The following THNSL1 variants were observed in gnomAD, a reference collection of about 807,000 sequenced individuals.
THNSL1 encodes threonine synthase like 1, also known as threonine synthase-like 1.
A neutral mutation model predicts 50.4 loss-of-function variants in THNSL1; 48 were observed. The ratio of observed to expected loss-of-function variants is 0.95; its 90% CI spans 0.76 to 1.21. The LOEUF is 1.21. Ranked by LOEUF, THNSL1 falls within the 50% of genes most tolerant of loss-of-function variation. The pLI, the probability that THNSL1 is intolerant of heterozygous loss-of-function variation, is 0.00. For synonymous variants in THNSL1, 309 were observed against 306.1 expected, an observed-to-expected ratio of 1.01 and a Z score of -0.10; for missense variants, 896 against 871.7, an observed-to-expected ratio of 1.03 and a Z score of -0.35.
At chr10:24,975,342 T>G in the THNSL1 span, among the ~76,000 whole-genome samples, 1 of 152,208 alleles carries the variant, frequency 6.6e-6, no homozygotes, top group Non-Finnish European at 1.5e-5. Flanking sequence ...TTTGTTTTGC[T>G]TGCTTGAAAG....
the THNSL1 span, among the ~76,000 whole-genome samples, chr10:24,987,507 G>A: frequency 6.6e-6 from 1 of 152,114 alleles, no homozygotes; most frequent in Non-Finnish European, 1.5e-5. Flanking sequence ...AAATCAGCCA[G>A]GCATGGTGGT....
Position 25,024,102 on chromosome 10 carries a change from G to A in THNSL1, c.879G>A (p.Gln293=). The stretch of plus-strand genomic sequence containing the variant: ...GAGCAACCTACGTAGAAAGAGCACA[G>A]ATACTGTTGGAAAGATGTATCCATC... ...LVGATYVERA[Q]ILLERCIHPA... The change falls in exon 3 of 3, where the codon CAG becomes CAA. Residue 293 remains glutamine, a synonymous_variant. Coordinates refer to ENST00000376356, the MANE Select transcript of THNSL1 (RefSeq NM_024838.5). 6.2e-7 allele frequency: 1 copy of A among 1,614,210 alleles called. No homozygotes were observed.
chr10:24,972,016 C>A, the THNSL1 span, among the ~76,000 whole-genome samples: 4 of 151,374 alleles, frequency 2.6e-5, no homozygotes, highest in African/African-American at 9.7e-5. Context: ...CATGGTGAAA[C>A]CCTGTCTCTA....
chr10:24,990,679 T>C, the THNSL1 span: 3 of 1,407,298 alleles, frequency 2.1e-6, no homozygotes, highest in East Asian at 4.6e-5. Flanking sequence ...ACGTATCAAC[T>C]GATGATGGAA....
At chr10:25,005,622 A>T in the THNSL1 span, among the ~76,000 whole-genome samples, 1 of 152,164 alleles carries the variant, frequency 6.6e-6, no homozygotes, top group Non-Finnish European at 1.5e-5. Flanking sequence ...TCTTGAGGAG[A>T]ATTTTTACAC....
At chr10:24,964,940 G>T in the THNSL1 span, among the ~76,000 whole-genome samples, 1 of 152,090 alleles carries the variant, frequency 6.6e-6, no homozygotes, top group Non-Finnish European at 1.5e-5. Flanking sequence ...GTGCACACCT[G>T]CAGTTCCAGT....
rs1349707433 is a variant in THNSL1, at chr10:25,024,670, C to G, written c.1447C>G (p.His483Asp). The G allele has an allele frequency of 1.2e-6, 2 of 1,614,226 alleles. No individual in the cohort carries two copies. The highest frequency in any genetic ancestry group is 4.5e-5 in the East Asian group (2 of 44,886). ...CCGACTACTTCCGCAGGTAGTTTAT[C>G]ATGCTTCCGCATATCTTGATCTTGT... ...WGRLLPQVVYHASAYLDLVSQ... is the reference protein window; with the variant it reads ...WGRLLPQVVYDASAYLDLVSQ... The change falls in exon 3 of 3, where the codon CAT becomes GAT. Residue 483 changes from histidine to aspartate, a missense_variant. His to Asp is a moderately conservative substitution (Grantham distance 81). Coordinates refer to ENST00000376356, the MANE Select transcript of THNSL1 (RefSeq NM_024838.5).
chr10:25,018,985 T>G (rs950297750), intron 1 of THNSL1, among the ~76,000 whole-genome samples: 1 of 152,162 alleles, frequency 6.6e-6, no homozygotes, highest in Non-Finnish European at 1.5e-5. Flanking sequence ...GATTGTGTGG[T>G]CCTTCCACCC....
the THNSL1 span, among the ~76,000 whole-genome samples, chr10:24,973,088 A>T: frequency 6.6e-6 from 1 of 152,220 alleles, no homozygotes; most frequent in Non-Finnish European, 1.5e-5. Context: ...CTTAGCATAG[A>T]TCTTAGCAAC....
At chr10:25,021,284 G>A (rs560905368) in intron 1 of THNSL1, among the ~76,000 whole-genome samples, 1 of 152,178 alleles carries the variant, frequency 6.6e-6, no homozygotes, top group Admixed American at 6.5e-5. Flanking sequence ...GTATCTTTTT[G>A]TGGCAAGAGT....
rs759106926 is a variant in THNSL1 at position 25,023,580 on chromosome 10, GTTAAACTTC to G, written c.359_367del (p.Leu120_Phe122del). ...TTTTAGAAGAGGAAGGAAAAGCTGTGTTAAACTTCTCTGCATCTGGAAGTGTGATTTCCC... is the reference window on the plus strand; with the variant it reads ...TTTTAGAAGAGGAAGGAAAAGCTGTGTCTGCATCTGGAAGTGTGATTTCCC... On this transcript the variant is annotated inframe_deletion, in exon 3 of 3. Coordinates refer to ENST00000376356, the MANE Select transcript of THNSL1 (RefSeq NM_024838.5). The G allele has an allele frequency of 6.2e-7, 1 of 1,614,138 alleles. No homozygotes were observed. Among genetic ancestry groups the G allele is most frequent in the South Asian group, 1.1e-5 (1 of 91,074 alleles).
chr10:24,969,880 C>A, the THNSL1 span, among the ~76,000 whole-genome samples: 1 of 152,194 alleles, frequency 6.6e-6, no homozygotes, highest in Non-Finnish European at 1.5e-5. Flanking sequence ...TGCATAGCAA[C>A]ATCCCAAACA....
the THNSL1 span, among the ~76,000 whole-genome samples, chr10:24,967,645 C>T: frequency 8.6e-5 from 13 of 151,612 alleles, no homozygotes; most frequent in Middle Eastern, 3.4e-3. Context: ...CTCCTATGTG[C>T]GTGTGTGTGT....
At chr10:24,964,903 A>T in the THNSL1 span, among the ~76,000 whole-genome samples, 1 of 152,086 alleles carries the variant, frequency 6.6e-6, no homozygotes, top group African/African-American at 2.4e-5. Flanking sequence ...TCTCTACTAA[A>T]AATCAATATC....
At chr10:25,022,034 A>G (rs1850728764) in intron 2 of THNSL1, 126 bp downstream of exon 2, 1 of 152,192 alleles carries the variant, frequency 6.6e-6, no homozygotes, top group Admixed American at 6.5e-5. Context: ...CATATGATCT[A>G]GTATTTAATA....
At chr10:24,967,571 A>T in the THNSL1 span, among the ~76,000 whole-genome samples, 1 of 152,070 alleles carries the variant, frequency 6.6e-6, no homozygotes, top group African/African-American at 2.4e-5. Context: ...GAGACTTTTC[A>T]TCAGTCTCGC....
chr10:24,988,411 T>C, the THNSL1 span, among the ~76,000 whole-genome samples: 1 of 146,042 alleles, frequency 6.8e-6, no homozygotes, highest in African/African-American at 2.5e-5. Context: ...TGTGTATATA[T>C]ATTTATATAT....
At chr10:25,022,468 A>G (rs1850741104) in intron 2 of THNSL1, among the ~76,000 whole-genome samples, 1 of 152,224 alleles carries the variant, frequency 6.6e-6, no homozygotes, top group African/African-American at 2.4e-5. Context: ...TTTGTATAAT[A>G]TACCTTTCAC....
the THNSL1 span, among the ~76,000 whole-genome samples, chr10:24,968,852 C>T: frequency 1.3e-5 from 2 of 152,216 alleles, no homozygotes; most frequent in Non-Finnish European, 2.9e-5. Context: ...TGATCACTCA[C>T]TCCGCCTCTA....
Sources: allele counts gnomAD v4.1 joint callset (sites outside exome capture counted in the v4.1 genomes callset), GRCh38; gene constraint gnomAD v4.1.1; transcripts MANE v1.5; gene names NCBI Gene and HGNC (gene_info 2026-07-23, HGNC 2026-07-21).